MNT: variants seen among roughly 807,000 people sequenced by gnomAD.
The protein encoded by MNT is max-binding protein MNT.
In MNT, 13 loss-of-function variants were observed where a neutral mutation model predicts 40.7. The ratio of observed to expected loss-of-function variants is 0.32; its 90% CI spans 0.21 to 0.51. MNT has a LOEUF of 0.51. Among genes scored for constraint, MNT ranks in the 20% least tolerant of loss-of-function variants. The pLI, the probability that MNT is intolerant of heterozygous loss-of-function variation, is 0.98. For missense variants in MNT, 757 were observed against 792.0 expected, an observed-to-expected ratio of 0.96 and a Z score of 0.53; for synonymous variants, 426 against 354.8, an observed-to-expected ratio of 1.20 and a Z score of -2.26.
At chr17:2,391,360 T>C (rs1257176833) in intron 4 of MNT, 1 of 152,308 alleles carries the variant, frequency 6.6e-6, no homozygotes, top group African/African-American at 2.4e-5. Flanking sequence ...CACTTGAACC[T>C]TGCTGCTGGG....
At chr17:2,397,956 G>A (rs1404832206) in intron 1 of MNT, among the ~76,000 whole-genome samples, 1 of 152,252 alleles carries the variant, frequency 6.6e-6, no homozygotes, top group Non-Finnish European at 1.5e-5. Flanking sequence ...TGACCCAGGG[G>A]CCAAGGCTTC....
chr17:2,394,998 G>A lies in MNT; in HGVS notation c.530C>T (p.Ala177Val), dbSNP rs1419949328. ...CTGAGGCTGGACTCCAGGGTGTGGC[G>A]CTATGGTCAGGACAGGCGTGGGGAG... ...QPLPTPVLTI[A>V]PHPGVQPQLA... Residue 177 changes from alanine (A) to valine (V), a missense_variant, in exon 2 of 6, where the codon GCG becomes GTG. Transcript: ENST00000174618. The A allele has an allele frequency of 2.5e-6, 4 of 1,605,812 alleles. No homozygotes were observed. The highest frequency in any genetic ancestry group is 2.2e-5 in the South Asian group (2 of 89,582).
At chr17:2,392,629 C>CG (rs945234473) in intron 4 of MNT, 1 of 152,236 alleles carries the variant, frequency 6.6e-6, no homozygotes, top group African/African-American at 2.4e-5. Flanking sequence ...AATAAGCCAC[C>CG]GGCCTGCCGC....
intron 4 of MNT, chr17:2,390,065 C>G (rs1273266593): frequency 6.6e-6 from 1 of 152,204 alleles, no homozygotes; most frequent in Non-Finnish European, 1.5e-5. Flanking sequence ...CTCTCACATA[C>G]ATGTTTTGTC....
At chr17:2,387,823 G>A in intron 5 of MNT, 34 bp downstream of exon 5, 1 of 1,573,060 alleles carries the variant, frequency 6.4e-7, no homozygotes, top group Non-Finnish European at 8.6e-7. Flanking sequence ...TAACATCTGA[G>A]GGCTGGGGGG....
In MNT at chr17:2,395,192, C is replaced by A; in HGVS notation, c.336G>T (p.Gln112His). 8.9e-7 allele frequency: 1 copy of A among 1,123,890 alleles called. No homozygotes were observed. The highest frequency in any genetic ancestry group is 1.1e-6 in the Non-Finnish European group (1 of 880,412). The allele number at this position is 1,123,890 out of a possible 1,614,324, so 69.6% of individuals were successfully genotyped here. The part of the protein sequence containing the change: ...PPPPPLPAAA[Q>H]PLPLAPRQPA... Reference sequence around the variant, plus strand: ...GCTGACGAGGCGCCAGGGGCAGAGGCTGGGCTGCCGCGGGCAAGGGTGGGG... The same window carrying A: ...GCTGACGAGGCGCCAGGGGCAGAGGATGGGCTGCCGCGGGCAAGGGTGGGG... Residue 112 changes from glutamine to histidine, a missense_variant, in exon 2 of 6, where the codon CAG becomes CAT. By Grantham distance (24) the Gln-to-His change is conservative. Transcript: ENST00000174618.
In MNT at chr17:2,400,770, A is replaced by G; in HGVS notation, c.-58T>C. 1 of 1,454,666 alleles carries G rather than the reference A, an allele frequency of 6.9e-7. No individual in the cohort carries two copies. Among genetic ancestry groups the G allele is most frequent in the Admixed American group, 2.6e-5 (1 of 38,382 alleles). 90.1% of individuals were successfully genotyped at this position (1,454,666 alleles called of 1,614,324 possible). On this transcript the variant is annotated 5_prime_UTR_variant, in exon 1 of 6. Coordinates refer to ENST00000174618, the MANE Select transcript of MNT (RefSeq NM_020310.3). Reference sequence around the variant, plus strand: ...CGAGGCTGCGGCCCGCGAGCCGGGCACAGGTCAGGCTGGCGGGCAGGCAGG... The same window carrying G: ...CGAGGCTGCGGCCCGCGAGCCGGGCGCAGGTCAGGCTGGCGGGCAGGCAGG...
intron 4 of MNT, among the ~76,000 whole-genome samples, chr17:2,393,476 CG>C (rs770039125): frequency 2.5e-4 from 38 of 152,224 alleles, no homozygotes; most frequent in Admixed American, 5.9e-4. Flanking sequence ...CCAGTCAAAT[CG>C]GAGTTTTCCC....
chr17:2,393,990 C>T, intron 4 of MNT, 53 bp downstream of exon 4: 2 of 1,312,398 alleles, frequency 1.5e-6, no homozygotes, highest in Non-Finnish European at 1.0e-6. Context: ...GGGGGAGGGG[C>T]GGCGGAGGGA....
intron 1 of MNT, among the ~76,000 whole-genome samples, 168 bp from the exon 2 acceptor site, chr17:2,395,622 GGCACAGCAGTGAACAAATCAA>G (rs2066572009): frequency 1.3e-5 from 2 of 152,258 alleles, no homozygotes; most frequent in South Asian, 4.1e-4. Flanking sequence ...AAGTGCCGGG[GGCACAGCAGTGAACAAATCAA>G]GCAGACCTGT....
Position 2,394,985 on chromosome 17 carries a change from T to C in MNT, c.543A>G (p.Gly181=). ...GCTGGGGGGCCAGCTGAGGCTGGAC[T>C]CCAGGGTGTGGCGCTATGGTCAGGA... is the stretch of plus-strand genomic sequence containing the variant. ...TPVLTIAPHP[G]VQPQLAPQQP... Residue 181 remains glycine, a synonymous_variant, in exon 2 of 6, where the codon GGA becomes GGG. Transcript: ENST00000174618. The C allele has an allele frequency of 6.2e-7, 1 of 1,606,670 alleles. No individual in the cohort carries two copies. The highest frequency in any genetic ancestry group is 8.5e-7 in the Non-Finnish European group (1 of 1,176,928).
At chr17:2,397,950 C>G (rs1173712378) in intron 1 of MNT, among the ~76,000 whole-genome samples, 2 of 152,258 alleles carry the variant, frequency 1.3e-5, no homozygotes, top group East Asian at 3.8e-4. Flanking sequence ...CTGCAGTGAC[C>G]CAGGGGCCAA....
chr17:2,394,353 C>T lies in MNT; in HGVS notation c.654-7G>A, dbSNP rs1243269931. The stretch of plus-strand genomic sequence containing the variant: ...GACTTCTCTGGTTCCGATCCTGAAA[C>T]CCAGACAGATAGGAGGCTCAGGGAG... On this transcript the variant is annotated splice_polypyrimidine_tract_variant and splice_region_variant and intron_variant, in intron 2 of 5. Coordinates refer to ENST00000174618, the MANE Select transcript of MNT (RefSeq NM_020310.3). The T allele has an allele frequency of 1.2e-6, 2 of 1,613,922 alleles. No homozygotes were observed. Among genetic ancestry groups the T allele is most frequent in the African/African-American group, 1.3e-5 (1 of 74,984 alleles).
intron 4 of MNT, chr17:2,390,422 C>G (rs1031356166): frequency 1.3e-4 from 20 of 152,270 alleles, no homozygotes; most frequent in African/African-American, 4.6e-4. Flanking sequence ...GCAGCGATGG[C>G]GCTCTGATCC....
In MNT at chr17:2,394,856, C is replaced by T; in HGVS notation, c.653+19G>A. 6.5e-7 allele frequency: 1 copy of T among 1,546,066 alleles called. No individual in the cohort carries two copies. Among genetic ancestry groups the T allele is most frequent in the Non-Finnish European group, 8.7e-7 (1 of 1,143,108 alleles). ...CTCTCCTATCCCCCACCAGCCCGAC[C>T]CCGCCACACCCCACTCACCCCCCGG... On this transcript the variant is annotated intron_variant, in intron 2 of 5. Coordinates refer to ENST00000174618, the MANE Select transcript of MNT (RefSeq NM_020310.3).
At chr17:2,400,572 G>C (rs1477838451) in intron 1 of MNT, 68 bp downstream of exon 1, 1 of 1,460,240 alleles carries the variant, frequency 6.8e-7, no homozygotes, top group African/African-American at 1.5e-5. Flanking sequence ...GGTTTCGCGT[G>C]GGTTCGGGGA....
At chr17:2,400,423 G>C in intron 1 of MNT, 2 of 458,452 alleles carry the variant, frequency 4.4e-6, no homozygotes, top group South Asian at 6.0e-5. Flanking sequence ...GCGCCCGCAG[G>C]AGCCAGGTCC....
In MNT at chr17:2,395,309, CGGGGGAGCCGGT is replaced by C. The variant is rs746536358; in HGVS notation, c.207_218del (p.Ala75_Pro78del). The C allele has an allele frequency of 1.4e-6, 2 of 1,464,524 alleles. No individual in the cohort carries two copies. Among genetic ancestry groups the C allele is most frequent in the Non-Finnish European group, 1.8e-6 (2 of 1,088,514 alleles). The allele number at this position is 1,464,524 out of a possible 1,614,324, so 90.7% of individuals were successfully genotyped here. ...TGGCAAGTGGTGGTGGGGGTGCCGG[CGGGGGAGCCGGT>C]GGAGACAGAGGCAGGGGTGGCGCCT... On this transcript the variant is annotated inframe_deletion, in exon 2 of 6. Transcript: ENST00000174618.
At chr17:2,399,400 C>T (rs2066599173) in intron 1 of MNT, among the ~76,000 whole-genome samples, 1 of 152,194 alleles carries the variant, frequency 6.6e-6, no homozygotes, top group African/African-American at 2.4e-5. Context: ...AGCGTGGCCC[C>T]GGCTGATGCC....
Sources: allele counts gnomAD v4.1 joint callset (sites outside exome capture counted in the v4.1 genomes callset), GRCh38; gene constraint gnomAD v4.1.1; transcripts MANE v1.5; gene names NCBI Gene and HGNC (gene_info 2026-07-23, HGNC 2026-07-21).